Variants in REDIC1 observed in about 807,000 individuals in gnomAD.
The protein encoded by REDIC1 is regulator of DNA class I crossover intermediates 1.
chr12:39,865,690 G>T, the REDIC1 span, among the ~76,000 whole-genome samples: 1 of 152,204 alleles, frequency 6.6e-6, no homozygotes, highest in African/African-American at 2.4e-5. Context: ...GGAATACTAT[G>T]CAGCTGTAAA....
chr12:39,745,422 A>ACTTAATGTAAGTGACTCTG, the REDIC1 span, among the ~76,000 whole-genome samples: 2 of 151,534 alleles, frequency 1.3e-5, no homozygotes, highest in African/African-American at 4.9e-5. Context: ...AAGCTGAGCT[A>ACTTAATGTAAGTGACTCTG]CTTAATGTAA....
At chr12:39,895,514 TTA>T in the REDIC1 span, among the ~76,000 whole-genome samples, 840 of 56,568 alleles carry the variant, frequency 0.015, 23 homozygotes, top group African/African-American at 0.036. Flanking sequence ...AAAAAAAAAA[TTA>T]TATATATATA....
chr12:39,884,085 G>A, the REDIC1 span, among the ~76,000 whole-genome samples: 112 of 152,218 alleles, frequency 7.4e-4, no homozygotes, highest in African/African-American at 2.5e-3. Flanking sequence ...GTCATACATT[G>A]TATTCAGGCA....
chr12:39,754,157 G>A, the REDIC1 span: 1 of 152,102 alleles, frequency 6.6e-6, no homozygotes, highest in African/African-American at 2.4e-5. Context: ...GCAAAGAAGA[G>A]TTTTCTATGA....
the REDIC1 span, among the ~76,000 whole-genome samples, chr12:39,782,054 C>T: frequency 9.9e-5 from 15 of 152,170 alleles, no homozygotes; most frequent in African/African-American, 3.4e-4. Flanking sequence ...TTGGTGGGGT[C>T]GAGGTAATCA....
At chr12:39,763,073 G>C in the REDIC1 span, among the ~76,000 whole-genome samples, 1 of 151,962 alleles carries the variant, frequency 6.6e-6, no homozygotes, top group Non-Finnish European at 1.5e-5. Flanking sequence ...AAATATTTAA[G>C]TGTTCTCTAG....
At chr12:39,673,028 A>T in the REDIC1 span, among the ~76,000 whole-genome samples, 2 of 151,924 alleles carry the variant, frequency 1.3e-5, no homozygotes, top group African/African-American at 4.8e-5. Flanking sequence ...GGATTATAGG[A>T]GTCTGTGATG....
chr12:39,668,468 A>G, the REDIC1 span, among the ~76,000 whole-genome samples: 1 of 152,178 alleles, frequency 6.6e-6, no homozygotes, highest in Non-Finnish European at 1.5e-5. Flanking sequence ...CGTTGTGGGT[A>G]ACCCAACCTT....
chr12:39,715,266 A>G, the REDIC1 span, among the ~76,000 whole-genome samples: 1 of 151,884 alleles, frequency 6.6e-6, no homozygotes, highest in East Asian at 1.9e-4. Flanking sequence ...GGATCGTTTC[A>G]TTCTCCTGTA....
chr12:39,657,584 T>A, the REDIC1 span, among the ~76,000 whole-genome samples: 7 of 152,226 alleles, frequency 4.6e-5, no homozygotes, highest in Admixed American at 4.6e-4. Context: ...AATCAGATTA[T>A]TTGTTCTTGA....
chr12:39,672,355 G>A, the REDIC1 span, among the ~76,000 whole-genome samples: 4 of 152,050 alleles, frequency 2.6e-5, no homozygotes. Context: ...GGCAGCAGAG[G>A]CAGTGGGTGG....
At chr12:39,825,253 A>T in the REDIC1 span, among the ~76,000 whole-genome samples, 22 of 152,146 alleles carry the variant, frequency 1.4e-4, no homozygotes, top group African/African-American at 5.3e-4. Context: ...AGATTATTTA[A>T]GGTTTTGTAT....
the REDIC1 span, among the ~76,000 whole-genome samples, chr12:39,676,473 A>G: frequency 4.6e-5 from 7 of 152,202 alleles, no homozygotes; most frequent in Non-Finnish European, 1.0e-4. Context: ...ACAACCAAAC[A>G]TAAGAATAAT....
chr12:39,728,548 C>T, the REDIC1 span, among the ~76,000 whole-genome samples: 11 of 152,028 alleles, frequency 7.2e-5, no homozygotes, highest in East Asian at 1.9e-4. Flanking sequence ...TTTGGTTTGC[C>T]GGTATTTAAT....
chr12:39,864,628 C>T, the REDIC1 span: 2 of 1,228,396 alleles, frequency 1.6e-6, no homozygotes, highest in East Asian at 2.5e-5. Flanking sequence ...CCACCTTTCC[C>T]ATTTTCTTCC....
the REDIC1 span, among the ~76,000 whole-genome samples, chr12:39,715,032 A>G: frequency 1.3e-5 from 2 of 151,638 alleles, no homozygotes; most frequent in Non-Finnish European, 2.9e-5. Context: ...TACTTTTCTG[A>G]CTGTTCCTTT....
chr12:39,790,127 CTT>C, the REDIC1 span, among the ~76,000 whole-genome samples: 4,321 of 145,534 alleles, frequency 0.03, 178 homozygotes, highest in African/African-American at 0.097. Context: ...CTTTTGTGTT[CTT>C]TTTTTTTTTT....
the REDIC1 span, among the ~76,000 whole-genome samples, chr12:39,799,886 G>T: frequency 6.6e-6 from 1 of 152,196 alleles, no homozygotes; most frequent in Non-Finnish European, 1.5e-5. Context: ...GGTGCAGAGA[G>T]AATCAAATTT....
chr12:39,679,064 C>G, the REDIC1 span, among the ~76,000 whole-genome samples: 3 of 152,120 alleles, frequency 2.0e-5, no homozygotes, highest in African/African-American at 7.2e-5. Flanking sequence ...ACTTTCACCA[C>G]TTCTATTCAA....
Sources: gnomAD v4.1 joint callset for allele counts (sites outside exome capture counted in the v4.1 genomes callset) on GRCh38, gnomAD v4.1.1 for gene constraint, MANE v1.5 for transcripts, NCBI Gene and HGNC (gene_info 2026-07-23, HGNC 2026-07-21) for gene names.